The following MARK3 variants were observed in gnomAD, a reference collection of about 807,000 sequenced individuals.
The protein encoded by MARK3 is microtubule affinity regulating kinase 3, also known as MAP/microtubule affinity-regulating kinase 3.
MARK3 carries 46 observed loss-of-function variants against 90.1 expected under a neutral mutation model. That is an observed-to-expected ratio of 0.51 (90% CI 0.40 to 0.65). The LOEUF (loss-of-function observed/expected upper bound fraction) is 0.65, where lower values mean the gene tolerates loss of function less well. Among genes scored for constraint, MARK3 ranks in the 30% least tolerant of loss-of-function variants. The pLI is 0.00. For synonymous variants in MARK3, 321 were observed against 332.6 expected (o/e 0.97, Z 0.38); for missense variants, 818 against 947.2 (o/e 0.86, Z 1.79).
chr14:103,444,645 C>G (rs908468535), intron 3 of MARK3, among the ~76,000 whole-genome samples: 20 of 152,050 alleles, frequency 1.3e-4, no homozygotes, highest in African/African-American at 4.3e-4. Context: ...GACATGATGG[C>G]GGGCACCTGT....
chr14:103,404,606 G>T (rs2091166006), intron 1 of MARK3, among the ~76,000 whole-genome samples: 1 of 152,188 alleles, frequency 6.6e-6, no homozygotes, highest in Non-Finnish European at 1.5e-5. Context: ...TTGAATTACT[G>T]TTAGCAGTGT....
intron 1 of MARK3, among the ~76,000 whole-genome samples, chr14:103,396,541 A>T (rs535946559): frequency 1.3e-5 from 2 of 152,162 alleles, no homozygotes; most frequent in Non-Finnish European, 2.9e-5. Flanking sequence ...ACATATGTCA[A>T]TACATGTCTT....
intron 17 of MARK3, among the ~76,000 whole-genome samples, chr14:103,501,448 G>A (rs1391276122): frequency 6.6e-6 from 1 of 152,242 alleles, no homozygotes; most frequent in Non-Finnish European, 1.5e-5. Context: ...ATGACACTGT[G>A]CCTCCAGTTC....
At chr14:103,477,113 G>A (rs2093727602) in intron 13 of MARK3, among the ~76,000 whole-genome samples, 1 of 152,198 alleles carries the variant, frequency 6.6e-6, no homozygotes, top group African/African-American at 2.4e-5. Flanking sequence ...TCTCCCATGA[G>A]TCTTTGGGAT....
In MARK3 at chr14:103,449,007, G is replaced by A. The variant is rs537549622; in HGVS notation, c.346+40G>A. ...TTTAAATATTTTGGGGTCTAAATAC[G>A]TACTTGAAATTATGTCATAAAGCTA... On this transcript the variant is annotated intron_variant, in intron 4 of 17. Coordinates refer to ENST00000429436, the MANE Select transcript of MARK3 (RefSeq NM_001128918.3). 1.8e-3 allele frequency: 2,756 copies of A among 1,524,734 alleles called. 61 individuals carry two copies. The South Asian group carries it at 0.031, about 17-fold the overall frequency. 94.5% of individuals were successfully genotyped at this position (1,524,734 alleles called of 1,614,324 possible).
At chr14:103,434,807 A>G (rs1247459672) in intron 3 of MARK3, among the ~76,000 whole-genome samples, 1 of 152,200 alleles carries the variant, frequency 6.6e-6, no homozygotes, top group East Asian at 1.9e-4. Flanking sequence ...TCTGGAAGTC[A>G]ATTCTGTGAA....
chr14:103,408,869 A>G (rs2091463952), intron 2 of MARK3, among the ~76,000 whole-genome samples: 1 of 152,166 alleles, frequency 6.6e-6, no homozygotes, highest in Non-Finnish European at 1.5e-5. Context: ...GCTGCCTTAT[A>G]GACTGCTTTT....
Position 103,420,200 on chromosome 14 carries a change from T to TA in MARK3, c.244-8181dup, listed in dbSNP as rs1038875609. On this transcript the variant is annotated intron_variant, in intron 2 of 17. Transcript: ENST00000429436. Reference sequence around the variant, plus strand: ...TCCATATAAGCCTAATCCCTATATATAAAAAATCACGGAATTCCACAGTTT... The same window carrying TA: ...TCCATATAAGCCTAATCCCTATATATAAAAAAATCACGGAATTCCACAGTTT... Among the ~76,000 whole-genome samples, 157 of 152,250 alleles carry TA rather than the reference T, an allele frequency of 1.0e-3. 1 individual carries two copies. The highest frequency in any genetic ancestry group is 3.7e-3 in the African/African-American group (154 of 41,542).
chr14:103,400,315 C>A (rs1358688560), intron 1 of MARK3, among the ~76,000 whole-genome samples: 1 of 152,080 alleles, frequency 6.6e-6, no homozygotes, highest in East Asian at 1.9e-4. Flanking sequence ...GAGAACTGGC[C>A]AGAACTAAGC....
chr14:103,404,439 T>C (rs1166258735), intron 1 of MARK3, among the ~76,000 whole-genome samples: 1 of 152,194 alleles, frequency 6.6e-6, no homozygotes, highest in Non-Finnish European at 1.5e-5. Flanking sequence ...ACACAGTGTG[T>C]ACACAGAAGT....
intron 2 of MARK3, among the ~76,000 whole-genome samples, chr14:103,423,064 A>AAG (rs1397258034): frequency 2.6e-5 from 4 of 152,242 alleles, no homozygotes; most frequent in African/African-American, 9.6e-5. Context: ...GCAAGCCAGG[A>AAG]AGAAGGTCCC....
chr14:103,406,093 A>G (rs1009237245), intron 2 of MARK3, among the ~76,000 whole-genome samples: 1 of 151,392 alleles, frequency 6.6e-6, no homozygotes, highest in Non-Finnish European at 1.5e-5. Context: ...CAGGGTTCTC[A>G]CCGTGTTGCC....
intron 2 of MARK3, chr14:103,412,517 T>TG: frequency 5.7e-6 from 3 of 530,362 alleles, no homozygotes; most frequent in East Asian, 4.4e-5. Context: ...AGTGTCCACT[T>TG]GGGGGGATAT....
At chr14:103,426,909 A>ATTT (rs758359539) in intron 2 of MARK3, among the ~76,000 whole-genome samples, 11,186 of 145,812 alleles carry the variant, frequency 0.077, 668 homozygotes, top group African/African-American at 0.17. Flanking sequence ...AAAAAAAAAA[A>ATTT]TTTTTAAAGT....
At chr14:103,406,255 G>T (rs2091288965) in intron 2 of MARK3, among the ~76,000 whole-genome samples, 1 of 151,594 alleles carries the variant, frequency 6.6e-6, no homozygotes, top group South Asian at 2.1e-4. Context: ...ACGGAGTCTT[G>T]CCCTGTAGCC....
intron 1 of MARK3, among the ~76,000 whole-genome samples, chr14:103,390,671 A>C (rs1046436337): frequency 6.6e-6 from 1 of 152,224 alleles, no homozygotes; most frequent in Non-Finnish European, 1.5e-5. Context: ...GGTGGGCTGC[A>C]TGCAGCCCTA....
chr14:103,490,978 C>T, intron 14 of MARK3: 2 of 1,282,960 alleles, frequency 1.6e-6, no homozygotes, highest in Non-Finnish European at 2.0e-6. Context: ...GCTTACGCAG[C>T]TAGCCCTGCC....
chr14:103,468,867 T>C (rs1463468616), intron 12 of MARK3, among the ~76,000 whole-genome samples: 3 of 150,576 alleles, frequency 2.0e-5, no homozygotes, highest in African/African-American at 7.3e-5. Context: ...AAGTTCAAAC[T>C]ATTCTCTCAC....
intron 3 of MARK3, among the ~76,000 whole-genome samples, chr14:103,434,701 C>A (rs1178278495): frequency 6.6e-6 from 1 of 152,160 alleles, no homozygotes; most frequent in East Asian, 1.9e-4. Flanking sequence ...TGAAATTGAG[C>A]AGCTCATTCT....
Sources: allele counts gnomAD v4.1 joint callset (sites outside exome capture counted in the v4.1 genomes callset), GRCh38; gene constraint gnomAD v4.1.1; transcripts MANE v1.5; gene names NCBI Gene and HGNC (gene_info 2026-07-23, HGNC 2026-07-21).